The following KANK1 variants were observed in gnomAD, a reference collection of about 807,000 sequenced individuals.
KANK1 encodes KN motif and ankyrin repeat domain-containing protein 1.
In KANK1, 109 loss-of-function variants were observed where a neutral mutation model predicts 106.2. The ratio of observed to expected loss-of-function variants is 1.03; its 90% CI spans 0.88 to 1.20. The LOEUF is 1.20. Ranked by LOEUF, KANK1 falls within the 50% of genes most tolerant of loss-of-function variation. The probability of loss-of-function intolerance (pLI) is 0.00; values close to 1 mark genes in which losing one functional copy is unlikely to be tolerated. For missense variants in KANK1, 2,399 were observed against 1,710.7 expected, an observed-to-expected ratio of 1.40 and a Z score of -7.10; for synonymous variants, 873 against 652.2, an observed-to-expected ratio of 1.34 and a Z score of -5.16.
At chr9:661,587 A>G (rs71488140) in intron 1 of KANK1, among the ~76,000 whole-genome samples, 126,985 of 151,488 alleles carry the variant, frequency 0.84, 53,369 homozygotes, top group East Asian at 0.97. Context: ...ATAAACATAC[A>G]TATGCATGTG....
chr9:628,571 C>T (rs1296015549), intron 1 of KANK1, among the ~76,000 whole-genome samples: 1 of 152,182 alleles, frequency 6.6e-6, no homozygotes, highest in Non-Finnish European at 1.5e-5. Context: ...AGATTCCCTG[C>T]TTGAGGGCAC....
intron 1 of KANK1, among the ~76,000 whole-genome samples, chr9:516,407 A>T (rs1242927985): frequency 1.3e-5 from 2 of 151,742 alleles, no homozygotes; most frequent in Admixed American, 1.3e-4. Flanking sequence ...AACAGTTGGG[A>T]GAAGCGATTC....
At chr9:482,479 A>G (rs1392319381) in intron 3 of KANK1, among the ~76,000 whole-genome samples, 1 of 152,018 alleles carries the variant, frequency 6.6e-6, no homozygotes, top group Non-Finnish European at 1.5e-5. Context: ...TGCCAACTCA[A>G]CCTCCAAAAT....
chr9:646,910 C>G (rs1324918366), intron 1 of KANK1, among the ~76,000 whole-genome samples: 1 of 150,658 alleles, frequency 6.6e-6, no homozygotes, highest in Non-Finnish European at 1.5e-5. Flanking sequence ...GTTGGCCAGG[C>G]TGCTCTCAAA....
At chr9:694,955 G>C (rs931849539) in intron 2 of KANK1, among the ~76,000 whole-genome samples, 2 of 152,066 alleles carry the variant, frequency 1.3e-5, no homozygotes, top group East Asian at 1.9e-4. Flanking sequence ...AAGAAATTTT[G>C]TATCAAGTCT....
chr9:585,398 A>G (rs1243316545), intron 1 of KANK1, among the ~76,000 whole-genome samples: 1 of 152,194 alleles, frequency 6.6e-6, no homozygotes, highest in Non-Finnish European at 1.5e-5. Flanking sequence ...CAGCTGTCAG[A>G]TTGTCTACCA....
At chr9:584,927 G>A (rs1018562369) in intron 1 of KANK1, among the ~76,000 whole-genome samples, 3 of 152,140 alleles carry the variant, frequency 2.0e-5, no homozygotes, top group Non-Finnish European at 2.9e-5. Flanking sequence ...CTTCCTCCCA[G>A]TTTCTCCTCA....
intron 2 of KANK1, among the ~76,000 whole-genome samples, chr9:687,853 T>C (rs2139333320): frequency 6.6e-6 from 1 of 152,342 alleles, no homozygotes; most frequent in Non-Finnish European, 1.5e-5. Flanking sequence ...TACGGTTGTG[T>C]GCGTCACTAA....
chr9:622,459 A>C (rs1833370318), intron 1 of KANK1, among the ~76,000 whole-genome samples: 1 of 152,208 alleles, frequency 6.6e-6, no homozygotes, highest in South Asian at 2.1e-4. Flanking sequence ...ATTGCATAGA[A>C]GCATCCTGAC....
chr9:531,670 T>C (rs1262316678), intron 1 of KANK1, among the ~76,000 whole-genome samples: 2 of 152,198 alleles, frequency 1.3e-5, no homozygotes, highest in East Asian at 3.8e-4. Flanking sequence ...TACAGCAGCA[T>C]TGGTGCCTTT....
chr9:742,961 C>T (rs1486087110), intron 10 of KANK1, among the ~76,000 whole-genome samples: 1 of 152,200 alleles, frequency 6.6e-6, no homozygotes, highest in Non-Finnish European at 1.5e-5. Flanking sequence ...CCATCAACAC[C>T]ACTCTGCTCT....
chr9:498,051 G>A (rs1007953487), intron 3 of KANK1, among the ~76,000 whole-genome samples: 1 of 152,094 alleles, frequency 6.6e-6, no homozygotes, highest in Non-Finnish European at 1.5e-5. Context: ...CTCAGGGCAC[G>A]AGATTTCTAC....
intron 1 of KANK1, among the ~76,000 whole-genome samples, chr9:645,386 T>A (rs1022015500): frequency 3.1e-5 from 4 of 127,596 alleles, no homozygotes; most frequent in Non-Finnish European, 6.1e-5. Flanking sequence ...GTTGTAGTGA[T>A]CCAAGATCAT....
intron 1 of KANK1, among the ~76,000 whole-genome samples, chr9:582,510 A>G (rs1325360982): frequency 6.6e-6 from 1 of 152,206 alleles, no homozygotes; most frequent in Non-Finnish European, 1.5e-5. Flanking sequence ...TTTTGCCCTC[A>G]GAATCCTCAG....
intron 1 of KANK1, among the ~76,000 whole-genome samples, chr9:518,184 T>C (rs1276684906): frequency 6.6e-6 from 1 of 151,874 alleles, no homozygotes; most frequent in Non-Finnish European, 1.5e-5. Context: ...ATATAGTTTG[T>C]GAATCATTTT....
intron 1 of KANK1, among the ~76,000 whole-genome samples, chr9:568,287 C>A (rs1463867777): frequency 6.6e-6 from 1 of 152,164 alleles, no homozygotes; most frequent in East Asian, 1.9e-4. Context: ...TTAAAATCTT[C>A]AACATCATAC....
At chr9:715,493 G>A (rs981201347) in intron 3 of KANK1, among the ~76,000 whole-genome samples, 1 of 152,148 alleles carries the variant, frequency 6.6e-6, no homozygotes, top group Non-Finnish European at 1.5e-5. Context: ...GAAGTAATTT[G>A]CTGACCCTCT....
chr9:607,684 G>C (rs562763896), intron 1 of KANK1, among the ~76,000 whole-genome samples: 1 of 151,738 alleles, frequency 6.6e-6, no homozygotes, highest in Admixed American at 6.5e-5. Flanking sequence ...CCCAGCAGCA[G>C]AGTGCTAGGA....
chr9:705,954 A>T (rs1312047536), intron 2 of KANK1, among the ~76,000 whole-genome samples: 1 of 152,134 alleles, frequency 6.6e-6, no homozygotes, highest in Non-Finnish European at 1.5e-5. Context: ...ATAGTCTGGT[A>T]CAAAAGACAA....
Sources: gnomAD v4.1 joint callset for allele counts (sites outside exome capture counted in the v4.1 genomes callset) on GRCh38, gnomAD v4.1.1 for gene constraint, MANE v1.5 for transcripts, NCBI Gene and HGNC (gene_info 2026-07-23, HGNC 2026-07-21) for gene names.